The following IL1RAPL1 variants were observed in gnomAD, a reference collection of about 807,000 sequenced individuals.
IL1RAPL1 encodes the protein interleukin-1 receptor accessory protein-like 1.
IL1RAPL1 carries 3 observed loss-of-function variants against 48.4 expected under a neutral mutation model. That is an observed-to-expected ratio of 0.06 (90% CI 0.03 to 0.16). IL1RAPL1 has a LOEUF of 0.16. Among genes scored for constraint, IL1RAPL1 ranks in the 10% least tolerant of loss-of-function variants. IL1RAPL1 has a pLI of 1.00. For missense variants in IL1RAPL1, 349 were observed against 530.6 expected (o/e 0.66, Z 3.36); for synonymous variants, 185 against 187.7 (o/e 0.99, Z 0.12).
At chrX:29,832,282 C>G in intron 6 of IL1RAPL1, among the ~76,000 whole-genome samples, 1 of 111,908 alleles carries the variant, frequency 8.9e-6, no homozygotes, top group Non-Finnish European at 1.9e-5. Context: ...TATTATTTCT[C>G]TCTTCCAAAA....
intron 6 of IL1RAPL1, among the ~76,000 whole-genome samples, chrX:29,784,483 T>G (rs1302481799): frequency 8.9e-6 from 1 of 111,790 alleles, no homozygotes; most frequent in Non-Finnish European, 1.9e-5. Flanking sequence ...TGAAATGTAA[T>G]AGCATTTTGT....
At chrX:29,052,375 G>A (rs1439280428) in intron 2 of IL1RAPL1, among the ~76,000 whole-genome samples, 4 of 110,770 alleles carry the variant, frequency 3.6e-5, no homozygotes, top group Non-Finnish European at 5.7e-5. Flanking sequence ...GTCATTTCTC[G>A]TACCTCTCTT....
At chrX:29,011,900 T>C (rs1017868766) in intron 2 of IL1RAPL1, among the ~76,000 whole-genome samples, 57 of 112,587 alleles carry the variant, frequency 5.1e-4, no homozygotes, top group African/African-American at 1.7e-3. Flanking sequence ...ATGAATTCAA[T>C]TGGAGTTTTC....
chrX:28,913,692 A>AAAAAT (rs1194284523), intron 2 of IL1RAPL1, among the ~76,000 whole-genome samples: 7 of 111,331 alleles, frequency 6.3e-5, no homozygotes, highest in East Asian at 5.6e-4. Flanking sequence ...CGCTGTTTCT[A>AAAAAT]AAAATAAAAT....
intron 2 of IL1RAPL1, among the ~76,000 whole-genome samples, chrX:28,900,634 AC>A (rs1328648232): frequency 1.8e-5 from 2 of 112,003 alleles, no homozygotes; most frequent in Non-Finnish European, 3.8e-5. Context: ...AAATGATAAA[AC>A]CTTTTTCTAG....
At chrX:29,401,679 T>TA (rs11336384) in intron 5 of IL1RAPL1, among the ~76,000 whole-genome samples, 1,170 of 98,728 alleles carry the variant, frequency 0.012, 13 homozygotes, top group African/African-American at 0.038. Flanking sequence ...AATGTCACTT[T>TA]AAAAAAAAAA....
At chrX:29,187,915 A>G (rs757001488) in intron 2 of IL1RAPL1, among the ~76,000 whole-genome samples, 2 of 111,954 alleles carry the variant, frequency 1.8e-5, no homozygotes, top group African/African-American at 3.2e-5. Context: ...ATTTGGCACA[A>G]GGGAACTTGG....
chrX:29,885,712 G>A lies in IL1RAPL1; in HGVS notation c.779-31752G>A, dbSNP rs766595435. Among the ~76,000 whole-genome samples the A allele has an allele frequency of 1.0e-3, 117 of 111,472 alleles. 2 individuals carry two copies. The highest frequency in any genetic ancestry group is 4.6e-3 in the Middle Eastern group (1 of 219). On this transcript the variant is annotated intron_variant, in intron 6 of 10. Coordinates refer to ENST00000378993, the MANE Select transcript of IL1RAPL1 (RefSeq NM_014271.4). ...CATGCACCCGTAGTCCGAGCTACTC[G>A]GGAAGCTGAGGCGGGAGGTTCACTT...
chrX:28,817,361 A>G (rs763628097), intron 2 of IL1RAPL1, among the ~76,000 whole-genome samples: 1 of 110,967 alleles, frequency 9.0e-6, no homozygotes, highest in Non-Finnish European at 1.9e-5. Context: ...TCAACTCCCA[A>G]TATCATTTCA....
In IL1RAPL1 at chrX:29,469,729, G is replaced by A. The variant is rs188271501; in HGVS notation, c.703+70421G>A. 9.2e-3 allele frequency among the ~76,000 whole-genome samples: 1,023 copies of A among 111,743 alleles called. 14 individuals carry two copies. The highest frequency in any genetic ancestry group is 0.031 in the African/African-American group (962 of 30,773). On this transcript the variant is annotated intron_variant, in intron 5 of 10. Transcript: ENST00000378993. ...CATATTTTCTGTTCTCTACTCTCTT[G>A]AGATCTTAGCAAAATCCCTTCTTGG...
chrX:29,464,079 C>T (rs1197473357), intron 5 of IL1RAPL1, among the ~76,000 whole-genome samples: 1 of 112,324 alleles, frequency 8.9e-6, no homozygotes, highest in African/African-American at 3.2e-5. Context: ...ATTTGTCTCA[C>T]AAAATTTTTA....
intron 3 of IL1RAPL1, among the ~76,000 whole-genome samples, chrX:29,365,420 G>T (rs1933437794): frequency 8.9e-6 from 1 of 112,690 alleles, no homozygotes; most frequent in African/African-American, 3.2e-5. Flanking sequence ...AAGGGGCCAG[G>T]CACATTGGCT....
intron 2 of IL1RAPL1, among the ~76,000 whole-genome samples, chrX:29,236,816 A>G (rs1183334731): frequency 4.8e-5 from 5 of 104,580 alleles, no homozygotes; most frequent in East Asian, 3.0e-4. Flanking sequence ...TGATCTGCCC[A>G]CCTTGGCCTC....
intron 5 of IL1RAPL1, among the ~76,000 whole-genome samples, chrX:29,496,951 C>T (rs1434876381): frequency 8.9e-6 from 1 of 112,311 alleles, no homozygotes; most frequent in African/African-American, 3.2e-5. Flanking sequence ...TGCCATCTGG[C>T]TTTCATAAGG....
intron 2 of IL1RAPL1, among the ~76,000 whole-genome samples, chrX:29,267,676 G>C (rs1342493552): frequency 1.8e-5 from 2 of 111,659 alleles, no homozygotes; most frequent in African/African-American, 6.5e-5. Flanking sequence ...TTCTGCATGA[G>C]TCAGTTTTTT....
At chrX:29,277,362 C>A (rs1478592785) in intron 2 of IL1RAPL1, among the ~76,000 whole-genome samples, 1 of 111,927 alleles carries the variant, frequency 8.9e-6, no homozygotes, top group African/African-American at 3.2e-5. Flanking sequence ...AAAAACAAGT[C>A]TTAAGCTGAA....
chrX:29,950,474 A>G (rs1381410117), intron 9 of IL1RAPL1, among the ~76,000 whole-genome samples: 1 of 111,257 alleles, frequency 9.0e-6, no homozygotes, highest in Non-Finnish European at 1.9e-5. Context: ...GTTCTAGAAC[A>G]GAGTTTATTG....
chrX:29,811,843 G>A (rs761641008), intron 6 of IL1RAPL1, among the ~76,000 whole-genome samples: 1 of 111,822 alleles, frequency 8.9e-6, no homozygotes, highest in East Asian at 2.8e-4. Context: ...CTTTATAATT[G>A]TTAGTCTTCT....
intron 3 of IL1RAPL1, among the ~76,000 whole-genome samples, chrX:29,310,117 AAAAAAAAAAAAAGAAAGG>A (rs1932694998): frequency 2.2e-5 from 2 of 89,515 alleles, no homozygotes; most frequent in African/African-American, 9.6e-5. Flanking sequence ...AAAAAAAAAA[AAAAAAAAAAAAAGAAAGG>A]AAAAAAAAAA....
Sources: gnomAD v4.1 joint callset for allele counts (sites outside exome capture counted in the v4.1 genomes callset) on GRCh38, gnomAD v4.1.1 for gene constraint, MANE v1.5 for transcripts, NCBI Gene and HGNC (gene_info 2026-07-23, HGNC 2026-07-21) for gene names.